GRM3: variants seen among roughly 807,000 people sequenced by gnomAD.
GRM3 encodes the protein metabotropic glutamate receptor 3.
In GRM3, 26 loss-of-function variants were observed where a neutral mutation model predicts 70.5. The ratio of observed to expected loss-of-function variants is 0.37; its 90% CI spans 0.27 to 0.51. The LOEUF is 0.51. GRM3 is among the 20% of genes least tolerant of loss of function. The probability of loss-of-function intolerance (pLI) is 0.93; values close to 1 mark genes in which losing one functional copy is unlikely to be tolerated. For missense variants in GRM3, 859 were observed against 1,123.8 expected, an observed-to-expected ratio of 0.76 and a Z score of 3.37; for synonymous variants, 443 against 434.9, an observed-to-expected ratio of 1.02 and a Z score of -0.23.
chr7:86,794,881 T>TAA (rs59824648), intron 3 of GRM3, among the ~76,000 whole-genome samples: 8 of 142,592 alleles, frequency 5.6e-5, no homozygotes, highest in African/African-American at 1.8e-4. Flanking sequence ...CTTTTGTCTT[T>TAA]AAAAAAAAAA....
At chr7:86,860,773 ACT>A (rs1465553129) in intron 5 of GRM3, among the ~76,000 whole-genome samples, 3 of 152,144 alleles carry the variant, frequency 2.0e-5, no homozygotes, top group African/African-American at 7.2e-5. Context: ...TCTTTTGCAG[ACT>A]CTGTCCTCCT....
chr7:86,804,968 A>C (rs1349423999), intron 3 of GRM3, among the ~76,000 whole-genome samples: 1 of 152,076 alleles, frequency 6.6e-6, no homozygotes, highest in East Asian at 1.9e-4. Context: ...TTCTTAATTA[A>C]CTGGGCATGG....
At chr7:86,736,465 T>C (rs1562843376) in intron 1 of GRM3, among the ~76,000 whole-genome samples, 1 of 152,198 alleles carries the variant, frequency 6.6e-6, no homozygotes, top group African/African-American at 2.4e-5. Context: ...AAAGTTACGT[T>C]TTGCTCAAGC....
chr7:86,645,322 G>T (rs1205827849), intron 1 of GRM3, among the ~76,000 whole-genome samples: 1 of 152,194 alleles, frequency 6.6e-6, no homozygotes, highest in Admixed American at 6.5e-5. Context: ...GCAACGGTCA[G>T]CGAGACCTGG....
intron 4 of GRM3, 51 bp from the exon 5 acceptor site, chr7:86,850,319 C>T: frequency 7.6e-7 from 1 of 1,312,608 alleles, no homozygotes. Context: ...TTTAGTTGGC[C>T]ACTTGACTGA....
rs528940207 is a variant in GRM3, at chr7:86,850,688, G to C, written c.2566+144G>C. The C allele has an allele frequency of 2.0e-5, 13 of 657,024 alleles. No individual in the cohort carries two copies. In the South Asian group the frequency reaches 2.2e-4, roughly 11 times the overall value. 40.7% of individuals were successfully genotyped at this position (657,024 alleles called of 1,614,324 possible). On this transcript the variant is annotated intron_variant, in intron 5 of 5. Transcript: ENST00000361669. ...TATGGATTTAAACACTGTGAGTCAG[G>C]TATTGTGCTAAGTGCTGGGGATTCA... is the stretch of plus-strand genomic sequence containing the variant.
chr7:86,773,582 T>C (rs1796800268), intron 2 of GRM3, among the ~76,000 whole-genome samples: 1 of 139,912 alleles, frequency 7.1e-6, no homozygotes, highest in South Asian at 2.2e-4. Context: ...TCAGACAGAA[T>C]CTTTTCATTT....
intron 3 of GRM3, among the ~76,000 whole-genome samples, chr7:86,819,697 G>A (rs1400306943): frequency 6.6e-6 from 1 of 152,106 alleles, no homozygotes; most frequent in African/African-American, 2.4e-5. Context: ...TTTGATTCAA[G>A]ATGTATGATG....
At chr7:86,751,518 G>A (rs1796230351) in intron 1 of GRM3, among the ~76,000 whole-genome samples, 1 of 152,198 alleles carries the variant, frequency 6.6e-6, no homozygotes, top group South Asian at 2.1e-4. Flanking sequence ...GTGGAACATA[G>A]TAAAACCACA....
intron 3 of GRM3, among the ~76,000 whole-genome samples, chr7:86,813,377 G>C (rs1393631236): frequency 6.6e-6 from 1 of 151,798 alleles, no homozygotes; most frequent in East Asian, 1.9e-4. Context: ...AATCTGTTTA[G>C]AGTCCAGTCA....
intron 2 of GRM3, among the ~76,000 whole-genome samples, chr7:86,774,350 G>C (rs1235536800): frequency 2.0e-5 from 3 of 152,062 alleles, no homozygotes; most frequent in Non-Finnish European, 4.4e-5. Flanking sequence ...TTTAAGAATA[G>C]TGTTCCAAAA....
At chr7:86,841,627 T>C (rs7801589) in intron 4 of GRM3, among the ~76,000 whole-genome samples, 11,445 of 152,178 alleles carry the variant, frequency 0.075, 580 homozygotes, top group African/African-American at 0.14. Context: ...ATACTAATTA[T>C]TTTGTCCTGG....
chr7:86,771,427 A>G lies in GRM3; in HGVS notation c.468+5814A>G, dbSNP rs1033334002. ...TTATATTAGTATTTTTGCAAATGCC[A>G]TGAATTAAGCATCTTATTTACCTAT... On this transcript the variant is annotated intron_variant, in intron 2 of 5. Coordinates refer to ENST00000361669, the MANE Select transcript of GRM3 (RefSeq NM_000840.3). Among the ~76,000 whole-genome samples, 7 of 152,218 alleles carry G rather than the reference A, an allele frequency of 4.6e-5. No homozygotes were observed. In the East Asian group the frequency reaches 1.4e-3, roughly 29 times the overall value.
intron 1 of GRM3, among the ~76,000 whole-genome samples, chr7:86,645,161 C>T (rs1353648215): frequency 5.9e-5 from 9 of 152,184 alleles, no homozygotes; most frequent in Non-Finnish European, 2.9e-5. Context: ...ACTCGCAGAC[C>T]CCAGAGAGAC....
At chr7:86,707,791 C>T (rs73398483) in intron 1 of GRM3, among the ~76,000 whole-genome samples, 1,822 of 152,198 alleles carry the variant, frequency 0.012, 32 homozygotes, top group African/African-American at 0.041. Context: ...TATCATCTCT[C>T]TTAATCAATG....
chr7:86,779,741 T>C (rs1283102666), intron 2 of GRM3, among the ~76,000 whole-genome samples: 1 of 152,156 alleles, frequency 6.6e-6, no homozygotes, highest in Non-Finnish European at 1.5e-5. Flanking sequence ...AGCCCTTGAA[T>C]GGATTAGCTG....
At chr7:86,721,999 G>A (rs558400013) in intron 1 of GRM3, among the ~76,000 whole-genome samples, 37 of 152,092 alleles carry the variant, frequency 2.4e-4, no homozygotes, top group Non-Finnish European at 4.4e-4. Flanking sequence ...CTTTCTTGAG[G>A]AAAACTGGGT....
chr7:86,779,479 C>A (rs1408014188), intron 2 of GRM3, among the ~76,000 whole-genome samples: 4 of 152,140 alleles, frequency 2.6e-5, no homozygotes, highest in Admixed American at 6.5e-5. Flanking sequence ...CATGGTAGAG[C>A]AGCAAAATAT....
chr7:86,668,372 T>C (rs1794085095), intron 1 of GRM3, among the ~76,000 whole-genome samples: 1 of 152,096 alleles, frequency 6.6e-6, no homozygotes, highest in Non-Finnish European at 1.5e-5. Flanking sequence ...GCAGGCTAAA[T>C]AGCTACTAGG....
Sources: gnomAD v4.1 joint callset for allele counts (sites outside exome capture counted in the v4.1 genomes callset) on GRCh38, gnomAD v4.1.1 for gene constraint, MANE v1.5 for transcripts, NCBI Gene and HGNC (gene_info 2026-07-23, HGNC 2026-07-21) for gene names.